The following SCD5 variants were observed in gnomAD, a reference collection of about 807,000 sequenced individuals.
SCD5 encodes acyl-CoA-desaturase 4.
In SCD5, 20 loss-of-function variants were observed where a neutral mutation model predicts 30.4. That is an observed-to-expected ratio of 0.66 (90% CI 0.46 to 0.96). The LOEUF (loss-of-function observed/expected upper bound fraction) is 0.96, where lower values mean the gene tolerates loss of function less well. Among genes scored for constraint, SCD5 ranks in the 40% least tolerant of loss-of-function variants. The pLI is 0.00. For synonymous variants in SCD5, 173 were observed against 176.4 expected, an observed-to-expected ratio of 0.98 and a Z score of 0.16; for missense variants, 381 against 443.3, an observed-to-expected ratio of 0.86 and a Z score of 1.26.
intron 1 of SCD5, among the ~76,000 whole-genome samples, chr4:82,782,028 G>A (rs1040760262): frequency 6.6e-6 from 1 of 151,704 alleles, no homozygotes; most frequent in East Asian, 1.9e-4. Context: ...AACATCTAGA[G>A]CCTGGCTGTC....
intron 2 of SCD5, among the ~76,000 whole-genome samples, chr4:82,688,038 T>C (rs1728748845): frequency 6.6e-6 from 1 of 152,162 alleles, no homozygotes; most frequent in Non-Finnish European, 1.5e-5. Flanking sequence ...CTGGAAACAG[T>C]TGCTTGCTCC....
rs571803142 is a variant in SCD5, at chr4:82,779,985, G to A, written c.232+18321C>T. On this transcript the variant is annotated intron_variant, in intron 1 of 4. Coordinates refer to ENST00000319540, the MANE Select transcript of SCD5 (RefSeq NM_001037582.3). Reference sequence around the variant, plus strand: ...AATAACTTTTGTTCTCAAAGTTATTGTTGCTGTTCCTAACTACAGCAAGGA... The same window carrying A: ...AATAACTTTTGTTCTCAAAGTTATTATTGCTGTTCCTAACTACAGCAAGGA... 6.6e-5 allele frequency among the ~76,000 whole-genome samples: 10 copies of A among 152,312 alleles called. 1 individual carries two copies. In the South Asian group the frequency reaches 2.1e-3, roughly 32 times the overall value.
At chr4:82,763,579 G>C (rs1298990153) in intron 1 of SCD5, among the ~76,000 whole-genome samples, 1 of 152,318 alleles carries the variant, frequency 6.6e-6, no homozygotes, top group African/African-American at 2.4e-5. Flanking sequence ...GGCATCATAA[G>C]AGGAGAAATG....
chr4:82,780,743 A>C (rs939489128), intron 1 of SCD5, among the ~76,000 whole-genome samples: 1 of 152,260 alleles, frequency 6.6e-6, no homozygotes, highest in Non-Finnish European at 1.5e-5. Flanking sequence ...GCTATTCAGC[A>C]AAAATTTATC....
At chr4:82,655,218 A>C (rs1275641606) in intron 3 of SCD5, among the ~76,000 whole-genome samples, 1 of 152,260 alleles carries the variant, frequency 6.6e-6, no homozygotes, top group Non-Finnish European at 1.5e-5. Flanking sequence ...AAAGGCAAGG[A>C]CTCTCTTTTT....
chr4:82,747,355 TTA>T (rs1469031721), intron 1 of SCD5, among the ~76,000 whole-genome samples: 1 of 152,046 alleles, frequency 6.6e-6, no homozygotes, highest in Non-Finnish European at 1.5e-5. Flanking sequence ...AGTCTCACAG[TTA>T]ATAAATGTTA....
At chr4:82,657,017 A>AT (rs1727880217) in intron 3 of SCD5, among the ~76,000 whole-genome samples, 1 of 152,134 alleles carries the variant, frequency 6.6e-6, no homozygotes, top group Non-Finnish European at 1.5e-5. Context: ...AGATGAATAG[A>AT]TTGCAAAAAT....
chr4:82,682,276 C>T (rs185983364), intron 2 of SCD5, among the ~76,000 whole-genome samples: 12 of 152,208 alleles, frequency 7.9e-5, no homozygotes, highest in Admixed American at 3.9e-4. Flanking sequence ...ATGGGAGACA[C>T]GGGAGGGTGT....
chr4:82,757,683 C>A (rs1039693184), intron 1 of SCD5, among the ~76,000 whole-genome samples: 7 of 152,148 alleles, frequency 4.6e-5, no homozygotes, highest in African/African-American at 1.4e-4. Flanking sequence ...TGACCTTGGT[C>A]AAATCACTTA....
intron 2 of SCD5, among the ~76,000 whole-genome samples, chr4:82,704,926 A>G (rs375179853): frequency 2.0e-5 from 3 of 152,364 alleles, no homozygotes; most frequent in African/African-American, 7.2e-5. Context: ...TCACAGGGCT[A>G]CTATGCGGAT....
intron 1 of SCD5, among the ~76,000 whole-genome samples, chr4:82,779,519 G>T (rs1382464864): frequency 1.3e-5 from 2 of 152,234 alleles, no homozygotes; most frequent in Non-Finnish European, 2.9e-5. Flanking sequence ...CACCAGGCAT[G>T]CATCAGTGGG....
chr4:82,716,064 G>GGA (rs1553917432), intron 1 of SCD5, among the ~76,000 whole-genome samples: 5 of 151,740 alleles, frequency 3.3e-5, no homozygotes, highest in Non-Finnish European at 7.4e-5. Flanking sequence ...AAGCCCTTGA[G>GGA]AAAAAACTAT....
chr4:82,760,405 A>G (rs1210610203), intron 1 of SCD5, among the ~76,000 whole-genome samples: 2 of 151,644 alleles, frequency 1.3e-5, no homozygotes, highest in Non-Finnish European at 2.9e-5. Context: ...CACCCGTTTT[A>G]TTTTGTCTTG....
intron 1 of SCD5, among the ~76,000 whole-genome samples, chr4:82,769,506 C>T (rs1226152457): frequency 6.6e-6 from 1 of 152,036 alleles, no homozygotes; most frequent in Non-Finnish European, 1.5e-5. Context: ...GTCTGTAAGC[C>T]TTAACCTGCC....
At chr4:82,753,861 G>A (rs983478267) in intron 1 of SCD5, among the ~76,000 whole-genome samples, 1 of 152,142 alleles carries the variant, frequency 6.6e-6, no homozygotes. Flanking sequence ...ATTTCCTTGA[G>A]GCCCTGGGAA....
intron 2 of SCD5, among the ~76,000 whole-genome samples, chr4:82,683,178 G>A (rs1728618043): frequency 6.6e-6 from 1 of 152,154 alleles, no homozygotes; most frequent in African/African-American, 2.4e-5. Flanking sequence ...ATTATAGCCT[G>A]GCTTACTGTA....
intron 3 of SCD5, among the ~76,000 whole-genome samples, chr4:82,668,729 A>G (rs1017674048): frequency 6.6e-6 from 1 of 152,200 alleles, no homozygotes; most frequent in Non-Finnish European, 1.5e-5. Flanking sequence ...CTGCAGGACC[A>G]GTATTTTACC....
chr4:82,732,993 C>T (rs1720675992), intron 1 of SCD5, among the ~76,000 whole-genome samples: 1 of 152,102 alleles, frequency 6.6e-6, no homozygotes. Flanking sequence ...AATGATGATG[C>T]TGATGATAAT....
chr4:82,776,743 T>C (rs919198214), intron 1 of SCD5, among the ~76,000 whole-genome samples: 1 of 152,212 alleles, frequency 6.6e-6, no homozygotes, highest in African/African-American at 2.4e-5. Flanking sequence ...CCATAAAGTA[T>C]GGAGAAAGGC....
Sources: allele counts gnomAD v4.1 joint callset (sites outside exome capture counted in the v4.1 genomes callset), GRCh38; gene constraint gnomAD v4.1.1; transcripts MANE v1.5; gene names NCBI Gene and HGNC (gene_info 2026-07-23, HGNC 2026-07-21).